Variants in LAMA2 observed in about 807,000 individuals in gnomAD.
LAMA2 encodes laminin subunit alpha 2, also known as laminin subunit alpha-2.
Under a neutral mutation model 364.8 loss-of-function variants are expected in LAMA2, and 269 were observed. That is an observed-to-expected ratio of 0.74 (90% CI 0.67 to 0.82). LAMA2 has a LOEUF of 0.82. Among genes scored for constraint, LAMA2 ranks in the 40% least tolerant of loss-of-function variants. The pLI is 0.00. For synonymous variants in LAMA2, 1,379 were observed against 1,370.6 expected (o/e 1.01, Z -0.14); for missense variants, 3,807 against 3,873.2 (o/e 0.98, Z 0.45).
At chr6:129,228,658 G>C (rs1583298387) in intron 12 of LAMA2, among the ~76,000 whole-genome samples, 1 of 151,982 alleles carries the variant, frequency 6.6e-6, no homozygotes, top group East Asian at 1.9e-4. Flanking sequence ...TACCCTGAAG[G>C]CATTTTTAAT....
intron 58 of LAMA2, among the ~76,000 whole-genome samples, chr6:129,498,248 G>A (rs144698658): frequency 6.6e-6 from 1 of 152,292 alleles, no homozygotes; most frequent in African/African-American, 2.4e-5. Flanking sequence ...GTACTGATGA[G>A]CTCTCTTTGG....
intron 4 of LAMA2, among the ~76,000 whole-genome samples, chr6:129,108,905 G>A (rs538581327): frequency 3.9e-4 from 59 of 152,128 alleles, no homozygotes; most frequent in South Asian, 1.0e-3. Context: ...TCCTCAAAAC[G>A]CATACCTGAT....
chr6:129,120,713 C>T (rs1407682791), intron 4 of LAMA2, among the ~76,000 whole-genome samples: 7 of 152,130 alleles, frequency 4.6e-5, no homozygotes, highest in Non-Finnish European at 5.9e-5. Flanking sequence ...GATTTTTCTA[C>T]GACTTTCTAC....
intron 1 of LAMA2, among the ~76,000 whole-genome samples, chr6:129,028,470 G>A (rs1170377438): frequency 6.6e-6 from 1 of 151,828 alleles, no homozygotes; most frequent in African/African-American, 2.4e-5. Flanking sequence ...CCATTTATCA[G>A]TTTCATAACA....
intron 1 of LAMA2, among the ~76,000 whole-genome samples, chr6:129,006,599 A>G (rs1784452349): frequency 6.6e-6 from 1 of 152,132 alleles, no homozygotes; most frequent in African/African-American, 2.4e-5. Flanking sequence ...CACTGCCTTC[A>G]TTCAGAATCT....
intron 1 of LAMA2, among the ~76,000 whole-genome samples, chr6:128,992,481 A>T (rs1041600852): frequency 6.6e-6 from 1 of 152,200 alleles, no homozygotes; most frequent in Non-Finnish European, 1.5e-5. Flanking sequence ...GTAGTCTCAC[A>T]TTAAGGGAGA....
In LAMA2 at chr6:129,492,340, T is replaced by A; in HGVS notation, c.8101T>A (p.Ser2701Thr). 1.2e-6 allele frequency: 2 copies of A among 1,614,182 alleles called. No individual in the cohort carries two copies. The highest frequency in any genetic ancestry group is 1.1e-5 in the South Asian group (1 of 91,088). Residue 2701 changes from serine to threonine, a missense_variant, in exon 58 of 65, where the codon TCC becomes ACC. By Grantham distance (58) the Ser-to-Thr change is moderately conservative (BLOSUM62 1). Around this residue, in one of 3 missense-constraint regions of LAMA2, gnomAD observed 3,333 missense variants for 3,345.7 expected, o/e 1.00. Coordinates refer to ENST00000421865, the MANE Select transcript of LAMA2 (RefSeq NM_000426.4). Reference protein sequence around the residue: ...SVPMDFARPVSFKNADIGRCA... With the variant: ...SVPMDFARPVTFKNADIGRCA... Reference sequence around the variant, plus strand: ...CCCCATGGACTTTGCAAGGCCTGTGTCCTTCAAAAATGCTGACATTGGTCG... The same window carrying A: ...CCCCATGGACTTTGCAAGGCCTGTGACCTTCAAAAATGCTGACATTGGTCG...
Position 129,385,319 on chromosome 6 carries a change from G to T in LAMA2, c.5071+2086G>T, listed in dbSNP as rs1405857000. Among the ~76,000 whole-genome samples the T allele has an allele frequency of 2.9e-5, 4 of 137,002 alleles. No homozygotes were observed. The South Asian group carries it at 8.7e-4, about 30-fold the overall frequency. 89.9% of individuals were successfully genotyped at this position (137,002 alleles called of 152,430 possible). On this transcript the variant is annotated intron_variant, in intron 35 of 64. Coordinates refer to ENST00000421865, the MANE Select transcript of LAMA2 (RefSeq NM_000426.4). ...GAAGAAAAGAAGAAAAGGGAAGGAA[G>T]GAAGGAAGGAAGGAAGGGGAAATAA...
At chr6:129,397,915 C>T (rs111556409) in intron 37 of LAMA2, among the ~76,000 whole-genome samples, 124 of 131,950 alleles carry the variant, frequency 9.4e-4, no homozygotes, top group East Asian at 1.7e-3. Flanking sequence ...CCAGCCTGGG[C>T]GACAGAGTGA....
At chr6:128,933,712 G>C (rs1237283797) in intron 1 of LAMA2, among the ~76,000 whole-genome samples, 1 of 152,070 alleles carries the variant, frequency 6.6e-6, no homozygotes, top group East Asian at 1.9e-4. Context: ...TTGGCCATTT[G>C]TATGTCTCTT....
At chr6:129,015,245 G>C (rs996539807) in intron 1 of LAMA2, among the ~76,000 whole-genome samples, 4 of 151,974 alleles carry the variant, frequency 2.6e-5, no homozygotes, top group African/African-American at 9.7e-5. Flanking sequence ...ACAGGTTTAG[G>C]CTGATCAAGA....
chr6:129,137,956 A>G (rs1340431164), intron 4 of LAMA2, among the ~76,000 whole-genome samples: 1 of 152,166 alleles, frequency 6.6e-6, no homozygotes, highest in East Asian at 1.9e-4. Flanking sequence ...AAGCTCCTAG[A>G]CAGTCCATGG....
chr6:129,066,053 T>TTTTTTTC (rs1789305191), intron 3 of LAMA2, among the ~76,000 whole-genome samples: 1 of 101,102 alleles, frequency 9.9e-6, no homozygotes, highest in Non-Finnish European at 2.1e-5. Flanking sequence ...TTTTTTTTTT[T>TTTTTTTC]TTTTTTTTTT....
chr6:129,071,647 T>A (rs191641185), intron 3 of LAMA2, among the ~76,000 whole-genome samples: 1 of 152,298 alleles, frequency 6.6e-6, no homozygotes, highest in Non-Finnish European at 1.5e-5. Context: ...TCATAGTAAA[T>A]TTTTCTGTGG....
chr6:129,004,406 T>TAAAAAAAA (rs61244248), intron 1 of LAMA2, among the ~76,000 whole-genome samples: 4 of 53,796 alleles, frequency 7.4e-5, no homozygotes, highest in Admixed American at 3.5e-4. Flanking sequence ...AGTATAATAA[T>TAAAAAAAA]AAAAAAAAAA....
chr6:129,463,802 A>G (rs1022914946), intron 49 of LAMA2, among the ~76,000 whole-genome samples: 4 of 152,000 alleles, frequency 2.6e-5, no homozygotes, highest in African/African-American at 9.7e-5. Flanking sequence ...TGGTCTCATG[A>G]AATTTACATT....
intron 4 of LAMA2, among the ~76,000 whole-genome samples, chr6:129,132,497 TTGGATA>T (rs1337052143): frequency 2.0e-5 from 3 of 152,132 alleles, no homozygotes; most frequent in African/African-American, 7.2e-5. Flanking sequence ...TGCATGAAAA[TTGGATA>T]TGGATAAGAA....
At chr6:128,883,478 G>GCACT in intron 1 of LAMA2, 121 bp downstream of exon 1, 1 of 1,482,432 alleles carries the variant, frequency 6.7e-7, no homozygotes. Context: ...CAGAGAGTGC[G>GCACT]CTCTGGGGCA....
chr6:129,414,771 G>C (rs944692732), intron 40 of LAMA2, among the ~76,000 whole-genome samples: 4 of 152,152 alleles, frequency 2.6e-5, no homozygotes, highest in Admixed American at 2.6e-4. Context: ...ATCAGAGGCT[G>C]ATAATTGCAA....
Sources: allele counts gnomAD v4.1 joint callset (sites outside exome capture counted in the v4.1 genomes callset), GRCh38; gene constraint gnomAD v4.1.1; regional missense constraint gnomAD v4.1.1; transcripts MANE v1.5; gene names NCBI Gene and HGNC (gene_info 2026-07-23, HGNC 2026-07-21).